WNT3A: variants seen among roughly 807,000 people sequenced by gnomAD.
The protein encoded by WNT3A is Wnt family member 3A, also known as protein Wnt-3a.
A neutral mutation model predicts 37.0 loss-of-function variants in WNT3A; 17 were observed. That is an observed-to-expected ratio of 0.46 (90% CI 0.31 to 0.69). The LOEUF (loss-of-function observed/expected upper bound fraction) is 0.69. Among genes scored for constraint, WNT3A ranks in the 30% least tolerant of loss-of-function variants. WNT3A has a pLI of 0.05. For missense variants in WNT3A, 411 were observed against 510.2 expected, an observed-to-expected ratio of 0.81 and a Z score of 1.87; for synonymous variants, 187 against 211.0, an observed-to-expected ratio of 0.89 and a Z score of 0.99.
At position 228,061,093 on chromosome 1, in the gene WNT3A, G is replaced by A. The variant is rs545247052; in HGVS notation, c.*1628G>A. The A allele has an allele frequency of 6.5e-6, 1 of 152,734 alleles. No homozygotes were observed. Among genetic ancestry groups the A allele is most frequent in the Non-Finnish European group, 1.5e-5 (1 of 68,098 alleles). 9.5% of individuals were successfully genotyped at this position (152,734 alleles called of 1,614,324 possible). A position where few individuals can be genotyped will look rare whatever the true frequency, so the allele number is the denominator to read the frequency against. ...GTTGCCTCATGGCCAGCGCCCCTCA[G>A]CCTCTGCCACTGTGAACCGGCTCCC... On this transcript the variant is annotated 3_prime_UTR_variant, in exon 4 of 4. Transcript: ENST00000284523.
At chr1:228,027,103 T>C (rs2030871555) in intron 2 of WNT3A, among the ~76,000 whole-genome samples, 1 of 152,140 alleles carries the variant, frequency 6.6e-6, no homozygotes, top group South Asian at 2.1e-4. Flanking sequence ...TCAGCCTCCC[T>C]AAGTGCTGGG....
intron 1 of WNT3A, among the ~76,000 whole-genome samples, chr1:228,016,946 T>C (rs2030551055): frequency 1.3e-5 from 2 of 152,048 alleles, no homozygotes; most frequent in African/African-American, 4.8e-5. Flanking sequence ...CCTAAATGGG[T>C]GGGGCCCACT....
At chr1:228,034,999 G>A (rs914114101) in intron 2 of WNT3A, among the ~76,000 whole-genome samples, 1 of 152,100 alleles carries the variant, frequency 6.6e-6, no homozygotes, top group African/African-American at 2.4e-5. Flanking sequence ...TATACATGTG[G>A]CGCAAATGTA....
In WNT3A at chr1:228,007,831, G is replaced by T. The variant is rs543237349; in HGVS notation, c.71+632G>T. 4.0e-5 allele frequency among the ~76,000 whole-genome samples: 6 copies of T among 151,164 alleles called. No homozygotes were observed. In the South Asian group the frequency reaches 1.3e-3, roughly 33 times the overall value. ...CAGGGGCCCTCTCTGCGAGCCCTCC[G>T]CATGGGTCCACCTGGCAATGAGGGG... On this transcript the variant is annotated intron_variant, in intron 1 of 3. Transcript: ENST00000284523. This position sits in a 1 kb window ranked among gnomAD's most constrained non-coding sequence, Gnocchi z 6.0.
At position 228,060,504 on chromosome 1, in the gene WNT3A, C is replaced by T; in HGVS notation, c.*1039C>T. On this transcript the variant is annotated 3_prime_UTR_variant, in exon 4 of 4. Coordinates refer to ENST00000284523, the MANE Select transcript of WNT3A (RefSeq NM_033131.4). ...CCCAACCCCAAGACCAAGCTTAGTC[C>T]TGGGAGAGGACAGGGACTTCGCAGA... The T allele has an allele frequency of 5.7e-6, 2 of 348,738 alleles. No individual in the cohort carries two copies. Among genetic ancestry groups the T allele is most frequent in the South Asian group, 4.6e-5 (2 of 43,358 alleles). 21.6% of individuals were successfully genotyped at this position (348,738 alleles called of 1,614,324 possible).
At chr1:228,033,094 G>A (rs1039742567) in intron 2 of WNT3A, among the ~76,000 whole-genome samples, 1 of 152,148 alleles carries the variant, frequency 6.6e-6, no homozygotes, top group African/African-American at 2.4e-5. Context: ...TCCAATACAT[G>A]ACTTGCAAAT....
intron 2 of WNT3A, among the ~76,000 whole-genome samples, chr1:228,024,970 G>C (rs897706656): frequency 2.6e-5 from 4 of 152,182 alleles, no homozygotes; most frequent in African/African-American, 7.2e-5. Context: ...TTTATTTCTG[G>C]ACTCTCAATT....
At chr1:228,044,340 T>G (rs1410929196) in intron 2 of WNT3A, among the ~76,000 whole-genome samples, 1 of 152,228 alleles carries the variant, frequency 6.6e-6, no homozygotes, top group African/African-American at 2.4e-5. Flanking sequence ...TTCACCACAC[T>G]CTGGACGTCA....
chr1:228,032,546 C>G (rs2031036250), intron 2 of WNT3A, among the ~76,000 whole-genome samples: 1 of 152,218 alleles, frequency 6.6e-6, no homozygotes, highest in South Asian at 2.1e-4. Flanking sequence ...CCTTTTATGG[C>G]TGAGTAATAT....
intron 2 of WNT3A, among the ~76,000 whole-genome samples, chr1:228,028,468 A>AT (rs980233041): frequency 6.6e-6 from 1 of 151,140 alleles, no homozygotes; most frequent in Non-Finnish European, 1.5e-5. Context: ...TACCTGGCTA[A>AT]TTTTTTTTGT....
rs769200838 is a variant in WNT3A at position 228,060,262 on chromosome 1, A to G, written c.*797A>G. ...AGCCACCTCATCCCCAACCCCCTGT[A>G]AGGTTCCATCCACCCCTGCGTCGAG... On this transcript the variant is annotated 3_prime_UTR_variant, in exon 4 of 4. Coordinates refer to ENST00000284523, the MANE Select transcript of WNT3A (RefSeq NM_033131.4). 2.2e-6 allele frequency: 3 copies of G among 1,351,672 alleles called. No individual in the cohort carries two copies. In the East Asian group the frequency reaches 1.4e-4, roughly 62 times the overall value. The allele number at this position is 1,351,672 out of a possible 1,614,324, so 83.7% of individuals were successfully genotyped here.
At chr1:228,023,855 C>A (rs1558286792) in intron 2 of WNT3A, among the ~76,000 whole-genome samples, 1 of 152,224 alleles carries the variant, frequency 6.6e-6, no homozygotes, top group African/African-American at 2.4e-5. Context: ...CTGGCACCCA[C>A]CCGCCTGCCT....
intron 3 of WNT3A, among the ~76,000 whole-genome samples, chr1:228,052,540 G>A (rs551511393): frequency 6.6e-6 from 1 of 152,172 alleles, no homozygotes; most frequent in African/African-American, 2.4e-5. Context: ...TCAGTGGATG[G>A]CCAAGGGAGG....
In WNT3A at chr1:228,008,789, G is replaced by A. The variant is rs750410910; in HGVS notation, c.71+1590G>A. 2.0e-5 allele frequency among the ~76,000 whole-genome samples: 3 copies of A among 152,112 alleles called. No individual in the cohort carries two copies. Among genetic ancestry groups the A allele is most frequent in the South Asian group, 2.1e-4 (1 of 4,826 alleles). On this transcript the variant is annotated intron_variant, in intron 1 of 3. Coordinates refer to ENST00000284523, the MANE Select transcript of WNT3A (RefSeq NM_033131.4). The surrounding 1 kb of genome is among the most constrained non-coding windows in gnomAD (Gnocchi z 4.9). ...GCCCCGCGCCCTTCCCATAAATGTC[G>A]CCAGCCTCCTGGCAACCCCGCGCCC...
At chr1:228,009,469 T>C (rs909280847) in intron 1 of WNT3A, among the ~76,000 whole-genome samples, 8 of 152,172 alleles carry the variant, frequency 5.3e-5, no homozygotes, top group Non-Finnish European at 7.4e-5. Flanking sequence ...TCCTTTCTCC[T>C]GCCTCCCCGC....
rs1352290312 is a variant in WNT3A, at chr1:228,059,206, C to A, written c.800C>A (p.Thr267Lys). The change falls in exon 4 of 4, where the codon ACG (threonine) becomes AAG (lysine). Residue 267 changes from threonine to lysine, a missense_variant. Transcript: ENST00000284523. ...RPRYTYFKVP[T>K]ERDLVYYEAS... ...CGCTACACCTACTTCAAGGTGCCCA[C>A]GGAGCGCGACCTGGTCTACTACGAG... is the stretch of plus-strand genomic sequence containing the variant. The A allele has an allele frequency of 6.8e-6, 11 of 1,611,960 alleles. No individual in the cohort carries two copies. Among genetic ancestry groups the A allele is most frequent in the Non-Finnish European group, 9.3e-6 (11 of 1,179,604 alleles).
Position 228,042,409 on chromosome 1 carries a change from T to A in WNT3A, c.314-8247T>A, listed in dbSNP as rs1024575382. On this transcript the variant is annotated intron_variant, in intron 2 of 3. Coordinates refer to ENST00000284523, the MANE Select transcript of WNT3A (RefSeq NM_033131.4). The surrounding 1 kb of genome is among the most constrained non-coding windows in gnomAD (Gnocchi z 5.2). ...CCTGGATGGATGGATGGATGATGGA[T>A]GGATGGTGGGTGGTGGATAGATGGA... 7.2e-5 allele frequency among the ~76,000 whole-genome samples: 11 copies of A among 152,042 alleles called. No homozygotes were observed. Among genetic ancestry groups the A allele is most frequent in the African/African-American group, 1.2e-4 (5 of 41,408 alleles).
chr1:228,027,080 T>C (rs574390132), intron 2 of WNT3A, among the ~76,000 whole-genome samples: 5 of 152,246 alleles, frequency 3.3e-5, no homozygotes, highest in African/African-American at 9.6e-5. Context: ...TGACCTCAGG[T>C]GATCCACCCG....
chr1:228,051,638 G>A (rs1400444258), intron 3 of WNT3A, among the ~76,000 whole-genome samples: 3 of 151,262 alleles, frequency 2.0e-5, no homozygotes, highest in Non-Finnish European at 3.0e-5. Flanking sequence ...CCCAGGGTGT[G>A]GATCGCTCTG....
Sources: gnomAD v4.1 joint callset for allele counts (sites outside exome capture counted in the v4.1 genomes callset) on GRCh38, gnomAD v4.1.1 for gene constraint, Gnocchi (gnomAD v3.1) non-coding constraint, MANE v1.5 for transcripts, NCBI Gene and HGNC (gene_info 2026-07-23, HGNC 2026-07-21) for gene names.